DLGAP2: variants seen among roughly 807,000 people sequenced by gnomAD.
DLGAP2 encodes disks large-associated protein 2.
A neutral mutation model predicts 100.3 loss-of-function variants in DLGAP2; 26 were observed. That is an observed-to-expected ratio of 0.26 (90% CI 0.19 to 0.36). The LOEUF is 0.36. Among genes scored for constraint, DLGAP2 ranks in the 10% least tolerant of loss-of-function variants. DLGAP2 has a pLI of 1.00. For synonymous variants in DLGAP2, 886 were observed against 630.1 expected (o/e 1.41, Z -6.08); for missense variants, 1,858 against 1,453.2 (o/e 1.28, Z -4.53).
intron 2 of DLGAP2, among the ~76,000 whole-genome samples, chr8:973,058 TCAC>T (rs1041541229): frequency 1.3e-5 from 2 of 152,274 alleles, no homozygotes; most frequent in African/African-American, 4.8e-5. Flanking sequence ...CTCTATCTTT[TCAC>T]CACATTTCCC....
intron 3 of DLGAP2, among the ~76,000 whole-genome samples, chr8:1,377,172 C>T (rs1401093724): frequency 6.6e-6 from 1 of 152,204 alleles, no homozygotes; most frequent in Non-Finnish European, 1.5e-5. Context: ...CCTACCTGGC[C>T]CCTCCAGGTC....
intron 8 of DLGAP2, among the ~76,000 whole-genome samples, chr8:1,634,004 G>A (rs192562748): frequency 1.3e-5 from 2 of 152,350 alleles, no homozygotes; most frequent in African/African-American, 4.8e-5. Flanking sequence ...AAGAAATCCA[G>A]GAGATTGCAC....
At chr8:1,345,949 C>T (rs1014535578) in intron 3 of DLGAP2, among the ~76,000 whole-genome samples, 34 of 152,332 alleles carry the variant, frequency 2.2e-4, no homozygotes, top group African/African-American at 7.7e-4. Flanking sequence ...CAGCGCTTAA[C>T]TTCCGAGCCC....
intron 4 of DLGAP2, among the ~76,000 whole-genome samples, chr8:1,538,795 C>T (rs548831301): frequency 1.9e-4 from 29 of 152,214 alleles, no homozygotes; most frequent in Non-Finnish European, 1.6e-4. Flanking sequence ...AGTCACGCCC[C>T]GGGTGGACAT....
intron 10 of DLGAP2, among the ~76,000 whole-genome samples, chr8:1,674,316 A>G (rs1246927112): frequency 6.6e-6 from 1 of 152,188 alleles, no homozygotes; most frequent in Non-Finnish European, 1.5e-5. Context: ...AAGTGCTGGG[A>G]TTACAGGCAT....
chr8:1,133,702 T>C (rs1264934507), intron 2 of DLGAP2, among the ~76,000 whole-genome samples: 1 of 152,206 alleles, frequency 6.6e-6, no homozygotes, highest in Non-Finnish European at 1.5e-5. Context: ...TTAATATTAA[T>C]CATATGAATG....
At chr8:869,216 C>G (rs947448776) in intron 1 of DLGAP2, among the ~76,000 whole-genome samples, 5 of 152,190 alleles carry the variant, frequency 3.3e-5, no homozygotes, top group Non-Finnish European at 5.9e-5. Flanking sequence ...CCAGCCACCC[C>G]TAAACGGTTC....
chr8:831,575 A>T (rs1032727121), intron 1 of DLGAP2, among the ~76,000 whole-genome samples: 2 of 152,148 alleles, frequency 1.3e-5, no homozygotes, highest in South Asian at 4.1e-4. Flanking sequence ...ATAATATTCC[A>T]TGGTGTATAT....
intron 1 of DLGAP2, among the ~76,000 whole-genome samples, chr8:801,559 T>C (rs1344854798): frequency 6.6e-6 from 1 of 152,196 alleles, no homozygotes; most frequent in Non-Finnish European, 1.5e-5. Context: ...GGTTCGGCCT[T>C]AGCCCTGGGT....
At chr8:1,222,250 G>T (rs900408568) in intron 2 of DLGAP2, among the ~76,000 whole-genome samples, 1 of 152,162 alleles carries the variant, frequency 6.6e-6, no homozygotes, top group Admixed American at 6.5e-5. Flanking sequence ...TTTTGGATGG[G>T]GCTTTTTGAT....
At chr8:812,632 T>C (rs1316046170) in intron 1 of DLGAP2, among the ~76,000 whole-genome samples, 1 of 152,174 alleles carries the variant, frequency 6.6e-6, no homozygotes, top group Non-Finnish European at 1.5e-5. Flanking sequence ...TATAGAGTAA[T>C]ATATTATAAA....
intron 2 of DLGAP2, among the ~76,000 whole-genome samples, chr8:983,737 G>T (rs1800408052): frequency 6.6e-6 from 1 of 152,018 alleles, no homozygotes; most frequent in Non-Finnish European, 1.5e-5. Flanking sequence ...CCACCTCCCA[G>T]GCTCAAGCAA....
At chr8:772,588 G>T (rs1353488110) in intron 1 of DLGAP2, among the ~76,000 whole-genome samples, 1 of 152,194 alleles carries the variant, frequency 6.6e-6, no homozygotes, top group African/African-American at 2.4e-5. Context: ...CTCCCAAAGT[G>T]CTGGGACTAC....
intron 3 of DLGAP2, among the ~76,000 whole-genome samples, chr8:1,344,087 CTCGGGGCCCTGTCGTGGGTCCATGTAT>C (rs1324498807): frequency 4.2e-5 from 6 of 142,416 alleles, no homozygotes; most frequent in South Asian, 2.2e-4. Context: ...AAATGTCGTA[CTCGGGGCCCTGTCGTGGGTCCATGTAT>C]TCGGGGCCCT....
In DLGAP2 at chr8:1,574,538, C is replaced by G. The variant is rs143098813; in HGVS notation, c.1442+8644C>G. Among the ~76,000 whole-genome samples, 1,022 of 152,306 alleles carry G rather than the reference C, an allele frequency of 6.7e-3. 11 individuals are homozygous for G. Among genetic ancestry groups the G allele is most frequent in the African/African-American group, 0.023 (971 of 41,570 alleles). On this transcript the variant is annotated intron_variant, in intron 6 of 14. Coordinates refer to ENST00000637795, the MANE Select transcript of DLGAP2 (RefSeq NM_001346810.2). Reference sequence around the variant, plus strand: ...CCCCTCGGTGATGAGTCACCTCCCTCGGTGATGAGTCCTGTGTGTGGTCTT... The same window carrying G: ...CCCCTCGGTGATGAGTCACCTCCCTGGGTGATGAGTCCTGTGTGTGGTCTT...
rs779554826 is a variant in DLGAP2, at chr8:944,869, A to G, written c.73+36903A>G. Among the ~76,000 whole-genome samples the G allele has an allele frequency of 1.4e-3, 214 of 151,782 alleles. 1 individual carries two copies. The highest frequency in any genetic ancestry group is 2.8e-3 in the Non-Finnish European group (187 of 67,898). On this transcript the variant is annotated intron_variant, in intron 2 of 14. Coordinates refer to ENST00000637795, the MANE Select transcript of DLGAP2 (RefSeq NM_001346810.2). ...CCAGTGGTTGGTAACGACTTTGTGC[A>G]GGTGATCCAGTCAGTGGCAGCCAAA...
intron 4 of DLGAP2, among the ~76,000 whole-genome samples, chr8:1,529,324 C>G (rs1397720144): frequency 6.6e-6 from 1 of 152,176 alleles, no homozygotes; most frequent in South Asian, 2.1e-4. Context: ...CTTGGTCTCT[C>G]CCTTGAAACA....
intron 2 of DLGAP2, among the ~76,000 whole-genome samples, chr8:1,004,638 C>T (rs1481755344): frequency 6.6e-6 from 1 of 152,180 alleles, no homozygotes; most frequent in Non-Finnish European, 1.5e-5. Context: ...GCCTCTGGCT[C>T]AGTCACAGCT....
At chr8:766,706 C>G (rs180757539) in intron 1 of DLGAP2, among the ~76,000 whole-genome samples, 6 of 152,180 alleles carry the variant, frequency 3.9e-5, no homozygotes, top group Admixed American at 2.0e-4. Context: ...TGAAAAGCAG[C>G]TTTTGTTTTA....
Sources: allele counts gnomAD v4.1 joint callset (sites outside exome capture counted in the v4.1 genomes callset), GRCh38; gene constraint gnomAD v4.1.1; transcripts MANE v1.5; gene names NCBI Gene and HGNC (gene_info 2026-07-23, HGNC 2026-07-21).